IFT80: variants seen among roughly 807,000 people sequenced by gnomAD.
The protein encoded by IFT80 is intraflagellar transport 80, also known as intraflagellar transport protein 80 homolog.
A neutral mutation model predicts 107.9 loss-of-function variants in IFT80; 79 were observed. The ratio of observed to expected loss-of-function variants is 0.73; its 90% CI spans 0.61 to 0.88. The LOEUF is 0.88. IFT80 is among the 40% of genes least tolerant of loss of function. IFT80 has a pLI of 0.00. For missense variants in IFT80, 797 were observed against 914.2 expected (o/e 0.87, Z 1.65); for synonymous variants, 299 against 300.9 (o/e 0.99, Z 0.07).
In IFT80 at chr3:160,384,622, T is replaced by A. The variant is rs777103393; in HGVS notation, c.-22A>T. ...TCATGACTCCACTTCCAGCAAAAATTTAAGATGCCACTTGATTGTATTTAC... is the reference window on the plus strand; with the variant it reads ...TCATGACTCCACTTCCAGCAAAAATATAAGATGCCACTTGATTGTATTTAC... On this transcript the variant is annotated 5_prime_UTR_variant, in exon 2 of 20. Coordinates refer to ENST00000326448, the MANE Select transcript of IFT80 (RefSeq NM_020800.3). The A allele has an allele frequency of 6.3e-7, 1 of 1,586,740 alleles. No homozygotes were observed. The highest frequency in any genetic ancestry group is 1.1e-5 in the South Asian group (1 of 90,390).
chr3:160,287,213 A>G (rs185113744), intron 12 of IFT80, among the ~76,000 whole-genome samples: 1 of 152,304 alleles, frequency 6.6e-6, no homozygotes, highest in African/African-American at 2.4e-5. Context: ...TTTATAATAA[A>G]ACTGTAATAA....
intron 1 of IFT80, among the ~76,000 whole-genome samples, chr3:160,388,541 C>T (rs147684632): frequency 0.013 from 1,914 of 149,574 alleles, 44 homozygotes; most frequent in African/African-American, 0.045. Context: ...GTCCTAACCC[C>T]CAGAACCTAT....
intron 12 of IFT80, among the ~76,000 whole-genome samples, chr3:160,299,668 T>C (rs1379431658): frequency 6.6e-6 from 1 of 152,162 alleles, no homozygotes; most frequent in African/African-American, 2.4e-5. Flanking sequence ...GTTATGGCTT[T>C]AAGCGCTAGC....
chr3:160,282,881 G>C (rs949639), intron 13 of IFT80, among the ~76,000 whole-genome samples: 23 of 152,264 alleles, frequency 1.5e-4, no homozygotes, highest in African/African-American at 5.5e-4. Context: ...TGTAGGCTGA[G>C]AAACACTCGA....
At chr3:160,311,183 G>T (rs1356938230) in intron 9 of IFT80, among the ~76,000 whole-genome samples, 1 of 152,070 alleles carries the variant, frequency 6.6e-6, no homozygotes, top group Non-Finnish European at 1.5e-5. Flanking sequence ...ATACCACAAA[G>T]ATGGAATCAG....
chr3:160,258,817 C>T (rs889606455), intron 19 of IFT80, among the ~76,000 whole-genome samples, 182 bp from the exon 20 acceptor site: 4 of 152,058 alleles, frequency 2.6e-5, no homozygotes, highest in African/African-American at 9.7e-5. Flanking sequence ...TAATGCTTGG[C>T]CAGGCATAGT....
intron 6 of IFT80, among the ~76,000 whole-genome samples, chr3:160,360,890 G>A (rs1373422183): frequency 6.6e-6 from 1 of 152,136 alleles, no homozygotes; most frequent in Non-Finnish European, 1.5e-5. Flanking sequence ...ACCAGTACCA[G>A]CCACTGCAAA....
intron 19 of IFT80, among the ~76,000 whole-genome samples, chr3:160,264,784 C>T (rs1363143889): frequency 6.6e-6 from 1 of 152,064 alleles, no homozygotes; most frequent in Non-Finnish European, 1.5e-5. Flanking sequence ...TATTGCCCTC[C>T]AATGGCTTCT....
At position 160,296,569 on chromosome 3, in the gene IFT80, T is replaced by TAA. The variant is rs750618761; in HGVS notation, c.1315+4312_1315+4313dup. Among the ~76,000 whole-genome samples the TAA allele has an allele frequency of 6.3e-4, 86 of 136,874 alleles. No individual in the cohort carries two copies. In the East Asian group the frequency reaches 0.014, roughly 23 times the overall value. 89.8% of individuals were successfully genotyped at this position (136,874 alleles called of 152,430 possible). ...TAAACAACTCTGCTATCATCCTCAC[T>TAA]AAAAAAAAAAAAAAAATCACTATTA... On this transcript the variant is annotated intron_variant, in intron 12 of 19. Coordinates refer to ENST00000326448, the MANE Select transcript of IFT80 (RefSeq NM_020800.3).
chr3:160,317,978 T>TA (rs1219515680), intron 9 of IFT80, among the ~76,000 whole-genome samples: 1 of 151,494 alleles, frequency 6.6e-6, no homozygotes, highest in Non-Finnish European at 1.5e-5. Context: ...AAGAAATTAT[T>TA]ATTATTATTA....
intron 8 of IFT80, among the ~76,000 whole-genome samples, chr3:160,354,997 A>C (rs916576396): frequency 4.6e-5 from 7 of 152,224 alleles, no homozygotes; most frequent in African/African-American, 1.7e-4. Context: ...GCCACAGAAC[A>C]ATTTTATGAT....
chr3:160,365,670 A>T (rs1721814902), intron 6 of IFT80, among the ~76,000 whole-genome samples: 1 of 152,098 alleles, frequency 6.6e-6, no homozygotes, highest in Non-Finnish European at 1.5e-5. Context: ...TATTAGTGTC[A>T]CTAACTAAGA....
intron 7 of IFT80, 146 bp from the exon 8 acceptor site, chr3:160,356,296 A>G (rs1348109546): frequency 1.5e-6 from 1 of 665,206 alleles, no homozygotes; most frequent in Non-Finnish European, 2.5e-6. Context: ...AGTAAATAAA[A>G]ATTTAGAAAT....
chr3:160,259,375 A>G (rs972279858), intron 19 of IFT80, among the ~76,000 whole-genome samples: 2 of 152,066 alleles, frequency 1.3e-5, no homozygotes, highest in African/African-American at 4.8e-5. Flanking sequence ...TTACCAAGCC[A>G]TTTTTCAAAT....
chr3:160,278,045 T>C (rs941676557), intron 16 of IFT80, among the ~76,000 whole-genome samples: 8 of 152,218 alleles, frequency 5.3e-5, no homozygotes, highest in African/African-American at 1.9e-4. Context: ...GCTACTGATA[T>C]ACCAGTTAAG....
At chr3:160,377,650 T>C (rs1346736003) in intron 3 of IFT80, 110 bp from the exon 4 acceptor site, 8 of 579,836 alleles carry the variant, frequency 1.4e-5, no homozygotes, top group Admixed American at 3.3e-5. Flanking sequence ...ATTAACATTA[T>C]AATTATTCTT....
chr3:160,320,102 C>A, intron 8 of IFT80, 163 bp from the exon 9 acceptor site: 1 of 608,702 alleles, frequency 1.6e-6, no homozygotes, highest in East Asian at 2.8e-5. Flanking sequence ...ATGGAAAATA[C>A]AGATGTAATT....
chr3:160,265,264 A>G (rs902802120), intron 19 of IFT80, among the ~76,000 whole-genome samples: 1 of 152,194 alleles, frequency 6.6e-6, no homozygotes, highest in Non-Finnish European at 1.5e-5. Context: ...ATCAGCTAAC[A>G]ACTCCTCACT....
intron 1 of IFT80, chr3:160,394,403 C>A (rs1479480483): frequency 2.0e-5 from 3 of 152,158 alleles, no homozygotes; most frequent in African/African-American, 7.2e-5. Context: ...TCCTGGGCCG[C>A]ATGTGGCCCA....
Sources: gnomAD v4.1 joint callset for allele counts (sites outside exome capture counted in the v4.1 genomes callset) on GRCh38, gnomAD v4.1.1 for gene constraint, MANE v1.5 for transcripts, NCBI Gene and HGNC (gene_info 2026-07-23, HGNC 2026-07-21) for gene names.